The following PHF2 variants were observed in gnomAD, a reference collection of about 807,000 sequenced individuals.
PHF2 encodes the protein PHD finger protein 2, also known as lysine-specific demethylase PHF2.
In PHF2, 27 loss-of-function variants were observed where a neutral mutation model predicts 120.5. That is an observed-to-expected ratio of 0.22 (90% CI 0.17 to 0.31). The LOEUF (loss-of-function observed/expected upper bound fraction) is 0.31. Among genes scored for constraint, PHF2 ranks in the 10% least tolerant of loss-of-function variants. The pLI, the probability that PHF2 is intolerant of heterozygous loss-of-function variation, is 1.00. For missense variants in PHF2, 1,024 were observed against 1,434.8 expected, an observed-to-expected ratio of 0.71 and a Z score of 4.63; for synonymous variants, 568 against 592.5, an observed-to-expected ratio of 0.96 and a Z score of 0.60.
chr9:93,649,681 A>G (rs887766405), intron 5 of PHF2, among the ~76,000 whole-genome samples: 2 of 122,466 alleles, frequency 1.6e-5, no homozygotes, highest in African/African-American at 5.4e-5. Context: ...ACTCGTGGAC[A>G]CACTCATGAC....
intron 1 of PHF2, among the ~76,000 whole-genome samples, chr9:93,589,281 C>T (rs183448879): frequency 6.6e-5 from 10 of 152,304 alleles, no homozygotes; most frequent in African/African-American, 2.2e-4. Flanking sequence ...TTGAAACTGG[C>T]CCCACAGCAG....
chr9:93,634,725 T>A (rs115786063), intron 2 of PHF2, among the ~76,000 whole-genome samples: 4,735 of 152,346 alleles, frequency 0.031, 244 homozygotes, highest in African/African-American at 0.11. Flanking sequence ...AGACTTCATC[T>A]GCTCGCAGAC....
At chr9:93,585,249 G>A (rs994314388) in intron 1 of PHF2, among the ~76,000 whole-genome samples, 16 of 152,180 alleles carry the variant, frequency 1.1e-4, no homozygotes, top group Non-Finnish European at 2.1e-4. Flanking sequence ...CGAACTAGGC[G>A]TTTTCCATAC....
chr9:93,663,658 G>A, intron 14 of PHF2, 23 bp downstream of exon 14: 1 of 1,433,784 alleles, frequency 7.0e-7, no homozygotes, highest in Non-Finnish European at 9.8e-7. Flanking sequence ...CTGGATGGGA[G>A]GGGTGACCTC....
chr9:93,586,550 C>T (rs765952684), intron 1 of PHF2, among the ~76,000 whole-genome samples: 1 of 152,240 alleles, frequency 6.6e-6, no homozygotes, highest in African/African-American at 2.4e-5. Context: ...ACGTACAGGC[C>T]GGATGGGAAC....
chr9:93,576,878 G>A lies in PHF2; in HGVS notation c.98+7G>A. ...AGGACTGGTTCCACGGCAGGTGAGC[G>A]CGCGGCGGCTGCTCGGCTCGGCCCG... On this transcript the variant is annotated splice_region_variant and intron_variant, in intron 1 of 21. Transcript: ENST00000359246. 8.3e-7 allele frequency: 1 copy of A among 1,206,548 alleles called. No individual in the cohort carries two copies. Among genetic ancestry groups the A allele is most frequent in the Non-Finnish European group, 1.1e-6 (1 of 934,262 alleles). 74.7% of individuals were successfully genotyped at this position (1,206,548 alleles called of 1,614,324 possible).
chr9:93,679,328 G>A lies in PHF2; in HGVS notation c.*1652G>A, dbSNP rs754364491. 1.6e-4 allele frequency: 72 copies of A among 451,748 alleles called. No homozygotes were observed. Among genetic ancestry groups the A allele is most frequent in the Non-Finnish European group, 2.8e-4 (64 of 225,948 alleles). The allele number at this position is 451,748 out of a possible 1,614,324, so 28.0% of individuals were successfully genotyped here. On this transcript the variant is annotated 3_prime_UTR_variant, in exon 22 of 22. Transcript: ENST00000359246. ...GGGGCCCCAGGCTTATTCAGAACTG[G>A]TGTTTTTAAAGTTTCCTTTACCCTG... is the stretch of plus-strand genomic sequence containing the variant.
Position 93,645,689 on chromosome 9 carries a change from G to T in PHF2, c.360G>T (p.Glu120Asp), listed in dbSNP as rs752095975. The change falls in exon 4 of 22, where the codon GAG (glutamate) becomes GAT (aspartate). Residue 120 changes from glutamate to aspartate, a missense_variant. This residue lies in a region of PHF2 where 347 missense variants were observed against 577.4 expected (regional missense o/e 0.60). Transcript: ENST00000359246. ...AGCTCACGCTGGGCTACATGGAGGAGCACGGCTTCACCGAGCCCATCCTCG... is the reference window on the plus strand; with the variant it reads ...AGCTCACGCTGGGCTACATGGAGGATCACGGCTTCACCGAGCCCATCCTCG... Reference protein sequence around the residue: ...GSQLTLGYMEEHGFTEPILVP... With the variant: ...GSQLTLGYMEDHGFTEPILVP... 3.7e-6 allele frequency: 6 copies of T among 1,612,956 alleles called. No homozygotes were observed. The highest frequency in any genetic ancestry group is 2.2e-5 in the East Asian group (1 of 44,856).
At chr9:93,620,467 G>A (rs905775023) in intron 1 of PHF2, among the ~76,000 whole-genome samples, 1 of 152,218 alleles carries the variant, frequency 6.6e-6, no homozygotes, top group African/African-American at 2.4e-5. Flanking sequence ...CCCCATGGGC[G>A]ACAACCTTTG....
chr9:93,581,803 C>T (rs1345938213), intron 1 of PHF2, among the ~76,000 whole-genome samples: 1 of 152,166 alleles, frequency 6.6e-6, no homozygotes, highest in Non-Finnish European at 1.5e-5. Context: ...CCCAGGCATC[C>T]TCTTTTATGG....
chr9:93,659,901 A>C (rs1209883181), intron 11 of PHF2, among the ~76,000 whole-genome samples: 2 of 152,122 alleles, frequency 1.3e-5, no homozygotes, highest in East Asian at 3.9e-4. Context: ...CAGCCCCTGC[A>C]GTCCCAGCTT....
At chr9:93,642,850 T>TA (rs1488867861) in intron 3 of PHF2, among the ~76,000 whole-genome samples, 2 of 152,236 alleles carry the variant, frequency 1.3e-5, no homozygotes, top group African/African-American at 4.8e-5. Flanking sequence ...TTCAGCCATC[T>TA]ACTGTTTAGT....
intron 12 of PHF2, among the ~76,000 whole-genome samples, chr9:93,661,457 G>T (rs561056960): frequency 7.9e-5 from 12 of 151,928 alleles, no homozygotes; most frequent in Admixed American, 7.9e-4. Context: ...ATGAACAGAC[G>T]GATGGATGAA....
chr9:93,626,859 A>G (rs1013920788), intron 1 of PHF2, among the ~76,000 whole-genome samples: 1 of 152,232 alleles, frequency 6.6e-6, no homozygotes, highest in African/African-American at 2.4e-5. Context: ...TGCATGGTCT[A>G]GGAACCCTTG....
At chr9:93,640,078 T>C (rs1826151592) in intron 3 of PHF2, among the ~76,000 whole-genome samples, 3 of 152,232 alleles carry the variant, frequency 2.0e-5, no homozygotes, top group Admixed American at 6.5e-5. Context: ...ATGCTGGAAG[T>C]TGACCTCGCT....
At chr9:93,604,810 C>T (rs1217669622) in intron 1 of PHF2, among the ~76,000 whole-genome samples, 3 of 150,868 alleles carry the variant, frequency 2.0e-5, no homozygotes, top group Non-Finnish European at 1.5e-5. Flanking sequence ...TTAAGTAATA[C>T]CTGAGATAGA....
intron 1 of PHF2, among the ~76,000 whole-genome samples, chr9:93,586,551 G>A (rs1024960327): frequency 5.3e-5 from 8 of 152,246 alleles, no homozygotes; most frequent in African/African-American, 1.2e-4. Context: ...CGTACAGGCC[G>A]GATGGGAACA....
chr9:93,596,460 C>T (rs1464018822), intron 1 of PHF2, among the ~76,000 whole-genome samples: 1 of 152,104 alleles, frequency 6.6e-6, no homozygotes, highest in Non-Finnish European at 1.5e-5. Context: ...CCCTAAAAAC[C>T]TGCCCTTCTT....
chr9:93,649,938 CAT>C (rs1826335569), intron 5 of PHF2, among the ~76,000 whole-genome samples: 1 of 152,038 alleles, frequency 6.6e-6, no homozygotes, highest in Admixed American at 6.5e-5. Flanking sequence ...CATTCATAGA[CAT>C]GACACACTAG....
Sources: gnomAD v4.1 joint callset for allele counts (sites outside exome capture counted in the v4.1 genomes callset) on GRCh38, gnomAD v4.1.1 for gene constraint, gnomAD v4.1.1 regional missense constraint, MANE v1.5 for transcripts, NCBI Gene and HGNC (gene_info 2026-07-23, HGNC 2026-07-21) for gene names.